CCDC102A: variants seen among roughly 807,000 people sequenced by gnomAD.
CCDC102A encodes coiled-coil domain-containing protein 102A.
CCDC102A carries 40 observed loss-of-function variants against 55.5 expected under a neutral mutation model. The ratio of observed to expected loss-of-function variants is 0.72; its 90% CI spans 0.56 to 0.94. The LOEUF is 0.94. Among genes scored for constraint, CCDC102A ranks in the 40% least tolerant of loss-of-function variants. The pLI is 0.00. For synonymous variants in CCDC102A, 323 were observed against 339.0 expected (o/e 0.95, Z 0.52); for missense variants, 779 against 768.6 (o/e 1.01, Z -0.16).
At chr16:57,518,911 C>T (rs2032003277) in intron 4 of CCDC102A, among the ~76,000 whole-genome samples, 170 bp from the exon 5 acceptor site, 1 of 152,244 alleles carries the variant, frequency 6.6e-6, no homozygotes, top group Non-Finnish European at 1.5e-5. Flanking sequence ...ACTTCTGCTC[C>T]TCCCAATGTC....
intron 1 of CCDC102A, among the ~76,000 whole-genome samples, chr16:57,535,359 A>G (rs1190753310): frequency 1.3e-5 from 2 of 152,090 alleles, no homozygotes; most frequent in African/African-American, 4.8e-5. Context: ...AGCCACAGAG[A>G]CAGCCTGGAT....
intron 2 of CCDC102A, among the ~76,000 whole-genome samples, chr16:57,526,950 C>T (rs1484811196): frequency 1.3e-5 from 2 of 152,192 alleles, no homozygotes; most frequent in African/African-American, 4.8e-5. Context: ...AAAGGCTGGG[C>T]TGGAGAACAA....
intron 1 of CCDC102A, among the ~76,000 whole-genome samples, chr16:57,534,718 G>C (rs755227609): frequency 6.6e-6 from 1 of 152,216 alleles, no homozygotes; most frequent in Admixed American, 6.5e-5. Flanking sequence ...TGACCATGCA[G>C]AGTTTGGGAA....
intron 4 of CCDC102A, among the ~76,000 whole-genome samples, chr16:57,519,721 A>T (rs1211539383): frequency 6.6e-6 from 1 of 152,248 alleles, no homozygotes; most frequent in Admixed American, 6.5e-5. Flanking sequence ...ATTTGAAAAG[A>T]CTAAAAGAAC....
Position 57,512,497 on chromosome 16 carries a change from C to T in CCDC102A, c.*244G>A, listed in dbSNP as rs1249146155. The T allele has an allele frequency of 9.2e-6, 4 of 435,688 alleles. No individual in the cohort carries two copies. The highest frequency in any genetic ancestry group is 6.9e-5 in the East Asian group (2 of 29,004). The allele number at this position is 435,688 out of a possible 1,614,324, so 27.0% of individuals were successfully genotyped here. On this transcript the variant is annotated 3_prime_UTR_variant, in exon 9 of 9. Transcript: ENST00000258214. Reference sequence around the variant, plus strand: ...CTGTATTTATAAAACCAAATGGGTCCAAAGACTTCTGGGTGTGCGCGCGCG... The same window carrying T: ...CTGTATTTATAAAACCAAATGGGTCTAAAGACTTCTGGGTGTGCGCGCGCG...
At chr16:57,536,925 G>A (rs368742983), upstream of CCDC102A, among the ~76,000 whole-genome samples, 17 of 152,288 alleles carry the variant, frequency 1.1e-4, no homozygotes, top group African/African-American at 3.1e-4. Context: ...AGCTCGGCAC[G>A]TGGAGCGAGC....
intron 4 of CCDC102A, among the ~76,000 whole-genome samples, chr16:57,519,618 G>A (rs535721710): frequency 1.3e-5 from 2 of 152,360 alleles, no homozygotes; most frequent in South Asian, 2.1e-4. Flanking sequence ...TGTTGAGGGA[G>A]AGACACCAGA....
Position 57,529,320 on chromosome 16 carries a change from C to G in CCDC102A, c.-143G>C, listed in dbSNP as rs2032208953. ...GGCCACCGGGCGGAGGACGCCTCCT[C>G]GGACCTACGGGAGAACACAACCGTT... On this transcript the variant is annotated 5_prime_UTR_variant, in exon 2 of 9. Coordinates refer to ENST00000258214, the MANE Select transcript of CCDC102A (RefSeq NM_033212.4). The surrounding 1 kb of genome is among the most constrained non-coding windows in gnomAD (Gnocchi z 4.1). The G allele has an allele frequency of 7.3e-6, 8 of 1,091,188 alleles. No homozygotes were observed. The highest frequency in any genetic ancestry group is 9.0e-6 in the Non-Finnish European group (8 of 890,308). The allele number at this position is 1,091,188 out of a possible 1,614,324, so 67.6% of individuals were successfully genotyped here.
intron 3 of CCDC102A, among the ~76,000 whole-genome samples, chr16:57,524,061 C>T (rs576759191): frequency 3.9e-5 from 6 of 152,218 alleles, no homozygotes; most frequent in African/African-American, 1.4e-4. Context: ...GTAGGGATCC[C>T]ACACAGTGAC....
intron 2 of CCDC102A, among the ~76,000 whole-genome samples, chr16:57,526,480 T>A (rs988330057): frequency 6.6e-6 from 1 of 152,198 alleles, no homozygotes; most frequent in Non-Finnish European, 1.5e-5. Flanking sequence ...CTAGATTCCT[T>A]CCAAAGGAAT....
At position 57,518,249 on chromosome 16, in the gene CCDC102A, G is replaced by A. The variant is rs1337151905; in HGVS notation, c.1067C>T (p.Ala356Val). Residue 356 changes from alanine (A) to valine (V), a missense_variant, in exon 6 of 9, where the codon GCG (alanine) becomes GTG (valine). Transcript: ENST00000258214. Reference sequence around the variant, plus strand: ...CAGCCGCTCCCGGCGGCCCCACTCCGCAGCGTTTTCGGCCTGCAGCCGCTC... The same window carrying A: ...CAGCCGCTCCCGGCGGCCCCACTCCACAGCGTTTTCGGCCTGCAGCCGCTC... The part of the protein sequence containing the change: ...EMERLQAENA[A>V]EWGRRERLET... 1.4e-5 allele frequency: 22 copies of A among 1,610,708 alleles called. No homozygotes were observed. In the Admixed American group the frequency reaches 2.2e-4, roughly 16 times the overall value.
At chr16:57,532,742 GAC>G (rs758939574) in intron 1 of CCDC102A, among the ~76,000 whole-genome samples, 1 of 150,076 alleles carries the variant, frequency 6.7e-6, no homozygotes, top group Non-Finnish European at 1.5e-5. Context: ...CACAGAGGCA[GAC>G]ACACACACTC....
At chr16:57,530,229 T>G (rs1319008536) in intron 1 of CCDC102A, among the ~76,000 whole-genome samples, 1 of 152,084 alleles carries the variant, frequency 6.6e-6, no homozygotes, top group Non-Finnish European at 1.5e-5. Context: ...GTTCTCTGTG[T>G]CTCACTTCAG....
Position 57,516,903 on chromosome 16 carries a change from G to A in CCDC102A, c.1249-440C>T, listed in dbSNP as rs746978272. Among the ~76,000 whole-genome samples the A allele has an allele frequency of 2.6e-5, 4 of 152,148 alleles. No homozygotes were observed. The highest frequency in any genetic ancestry group is 6.5e-5 in the Admixed American group (1 of 15,274). On this transcript the variant is annotated intron_variant, in intron 6 of 8. Transcript: ENST00000258214. The surrounding 1 kb of genome is among the most constrained non-coding windows in gnomAD (Gnocchi z 4.4). ...AAGAGGAAGGGCAGCCAGCAAAAGA[G>A]ATGCCCACCCTGGAGCTCTGTGAGT...
rs111625892 is a variant in CCDC102A, at chr16:57,516,130, A to G, written c.1419+163T>C. ...TTCCCACCCACATGTCCATCCTGCC[A>G]TCCATTCATCACGCACCTACCCACT... On this transcript the variant is annotated intron_variant, in intron 7 of 8. Transcript: ENST00000258214. This position sits in a 1 kb window ranked among gnomAD's most constrained non-coding sequence, Gnocchi z 4.4. Among the ~76,000 whole-genome samples, 4,549 of 152,238 alleles carry G rather than the reference A, an allele frequency of 0.03. 223 individuals are homozygous for G. The highest frequency in any genetic ancestry group is 0.1 in the African/African-American group (4,299 of 41,534).
intron 6 of CCDC102A, among the ~76,000 whole-genome samples, chr16:57,517,796 C>T (rs1168735370): frequency 2.0e-5 from 3 of 152,216 alleles, no homozygotes; most frequent in Non-Finnish European, 2.9e-5. Flanking sequence ...TGTGTACATC[C>T]CCCAAGTAAG....
chr16:57,521,775 G>A (rs1402340108), intron 3 of CCDC102A, among the ~76,000 whole-genome samples: 1 of 152,200 alleles, frequency 6.6e-6, no homozygotes, highest in East Asian at 1.9e-4. Flanking sequence ...CAAGCATGAT[G>A]CCTGGCCCTG....
intron 5 of CCDC102A, 70 bp downstream of exon 5, chr16:57,518,555 G>T: frequency 1.6e-6 from 2 of 1,239,250 alleles, no homozygotes; most frequent in Non-Finnish European, 1.2e-6. Flanking sequence ...TGTTCCCAGT[G>T]ACCTGCTGAT....
At chr16:57,532,360 C>G (rs1430408730) in intron 1 of CCDC102A, among the ~76,000 whole-genome samples, 1 of 152,188 alleles carries the variant, frequency 6.6e-6, no homozygotes, top group African/African-American at 2.4e-5. Flanking sequence ...GATCCAGGCT[C>G]TGGTTCCATG....
Sources: gnomAD v4.1 joint callset for allele counts (sites outside exome capture counted in the v4.1 genomes callset) on GRCh38, gnomAD v4.1.1 for gene constraint, Gnocchi (gnomAD v3.1) non-coding constraint, MANE v1.5 for transcripts, NCBI Gene and HGNC (gene_info 2026-07-23, HGNC 2026-07-21) for gene names.